Variants in PARD3B observed in about 807,000 individuals in gnomAD.
The protein encoded by PARD3B is partitioning defective 3 homolog B.
PARD3B carries 103 observed loss-of-function variants against 130.2 expected under a neutral mutation model. The observed-to-expected ratio is 0.79, with a 90% CI of 0.67 to 0.93. PARD3B has a LOEUF of 0.93. Ranked by LOEUF, PARD3B falls within the 40% of genes least tolerant of loss-of-function variation. The pLI, the probability that PARD3B is intolerant of heterozygous loss-of-function variation, is 0.00. For missense variants in PARD3B, 1,609 were observed against 1,499.2 expected (o/e 1.07, Z -1.21); for synonymous variants, 583 against 553.2 (o/e 1.05, Z -0.76).
At chr2:205,517,841 C>A (rs972711071) in intron 21 of PARD3B, among the ~76,000 whole-genome samples, 3 of 152,124 alleles carry the variant, frequency 2.0e-5, no homozygotes, top group Non-Finnish European at 2.9e-5. Context: ...TCATTATTTG[C>A]CAAGAAGTCA....
intron 1 of PARD3B, among the ~76,000 whole-genome samples, chr2:204,589,077 C>T (rs1190112658): frequency 6.6e-6 from 1 of 152,076 alleles, no homozygotes; most frequent in Non-Finnish European, 1.5e-5. Context: ...TTAAGGGACA[C>T]CCACGGAAGG....
chr2:204,756,935 A>G (rs905472969), intron 2 of PARD3B, among the ~76,000 whole-genome samples: 5 of 151,928 alleles, frequency 3.3e-5, no homozygotes, highest in Admixed American at 2.0e-4. Context: ...CTCCTTTGGA[A>G]TCTCGTGTTT....
chr2:205,523,432 C>T (rs986574721), intron 21 of PARD3B, among the ~76,000 whole-genome samples: 34 of 151,438 alleles, frequency 2.2e-4, no homozygotes, highest in African/African-American at 8.0e-4. Flanking sequence ...TTAATAGAGA[C>T]GGGGTTTCAC....
At chr2:204,892,286 G>A (rs1005130731) in intron 2 of PARD3B, among the ~76,000 whole-genome samples, 5 of 152,178 alleles carry the variant, frequency 3.3e-5, no homozygotes, top group South Asian at 2.1e-4. Flanking sequence ...GAGAGAGTTG[G>A]AGGTGAAGCT....
rs1387889501 is a variant in PARD3B, at chr2:205,121,066, A to G, written c.807-525A>G. ...TTTGGCACAGCCAAAGCACCTGCCA[A>G]AATGTCTCCATGAGCAAACATGGAT... is the stretch of plus-strand genomic sequence containing the variant. On this transcript the variant is annotated intron_variant, in intron 7 of 22. Transcript: ENST00000406610. This position sits in a 1 kb window ranked among gnomAD's most constrained non-coding sequence, Gnocchi z 5.0. 6.6e-6 allele frequency among the ~76,000 whole-genome samples: 1 copy of G among 152,228 alleles called. No individual in the cohort carries two copies.
chr2:204,569,177 T>C (rs1278536058), intron 1 of PARD3B, among the ~76,000 whole-genome samples: 1 of 152,192 alleles, frequency 6.6e-6, no homozygotes, highest in Non-Finnish European at 1.5e-5. Flanking sequence ...CACTGCACAG[T>C]TTGCATATTT....
intron 18 of PARD3B, among the ~76,000 whole-genome samples, chr2:205,359,334 A>ATATATATATGTATATATATAT (rs2044306692): frequency 6.6e-6 from 1 of 152,230 alleles, no homozygotes. Context: ...TCTCCACAAT[A>ATATATATATGTATATATATAT]ATAACATGAA....
chr2:204,584,975 T>C (rs1237509353), intron 1 of PARD3B, among the ~76,000 whole-genome samples: 1 of 152,134 alleles, frequency 6.6e-6, no homozygotes, highest in Non-Finnish European at 1.5e-5. Context: ...GGAGAAATGA[T>C]GGGAGCAGGT....
Position 205,445,939 on chromosome 2 carries a change from G to C in PARD3B, c.3044+5267G>C, listed in dbSNP as rs569215784. Among the ~76,000 whole-genome samples the C allele has an allele frequency of 9.8e-4, 149 of 152,300 alleles. 2 individuals carry two copies. The highest frequency in any genetic ancestry group is 3.4e-3 in the Middle Eastern group (1 of 294). ...CCTGAGTTCAGTACTGGACTCACCAGGGAACTGGGAGGAAGATGACTATGC... is the reference window on the plus strand; with the variant it reads ...CCTGAGTTCAGTACTGGACTCACCACGGAACTGGGAGGAAGATGACTATGC... On this transcript the variant is annotated intron_variant, in intron 20 of 22. Transcript: ENST00000406610.
intron 2 of PARD3B, among the ~76,000 whole-genome samples, chr2:204,866,745 C>G (rs1392078848): frequency 1.3e-5 from 2 of 151,696 alleles, no homozygotes; most frequent in Admixed American, 6.6e-5. Flanking sequence ...ATTTAAATCA[C>G]CCTATTCTAT....
chr2:205,477,209 A>C (rs918380814), intron 20 of PARD3B, among the ~76,000 whole-genome samples: 3 of 152,184 alleles, frequency 2.0e-5, no homozygotes, highest in African/African-American at 7.2e-5. Context: ...TCTGGTTATT[A>C]TGTAATTCAT....
rs763830847 is a variant in PARD3B at position 205,124,486 on chromosome 2, G to A, written c.1305+20G>A. 2 of 1,536,136 alleles carry A rather than the reference G, an allele frequency of 1.3e-6. No homozygotes were observed. The highest frequency in any genetic ancestry group is 4.7e-5 in the East Asian group (2 of 42,552). On this transcript the variant is annotated intron_variant, in intron 9 of 22. Transcript: ENST00000406610. ...TTGGAGGTAAGAATTGGAATTAATA[G>A]TTGTATGAAAATATTTCTTGGCATT... is the stretch of plus-strand genomic sequence containing the variant.
intron 4 of PARD3B, among the ~76,000 whole-genome samples, chr2:205,083,899 C>G (rs1456845868): frequency 6.6e-6 from 1 of 152,026 alleles, no homozygotes; most frequent in Non-Finnish European, 1.5e-5. Flanking sequence ...TTTATTTTCC[C>G]ATTTCATAAT....
chr2:204,833,779 A>C (rs754447030), intron 2 of PARD3B, among the ~76,000 whole-genome samples: 3 of 152,070 alleles, frequency 2.0e-5, no homozygotes, highest in Non-Finnish European at 2.9e-5. Context: ...ATAAACACCC[A>C]GCCTCAGGTA....
Position 205,113,476 on chromosome 2 carries a change from T to G in PARD3B, c.594-15T>G. 1 of 1,605,736 alleles carries G rather than the reference T, an allele frequency of 6.2e-7. No homozygotes were observed. Among genetic ancestry groups the G allele is most frequent in the Non-Finnish European group, 8.5e-7 (1 of 1,174,144 alleles). On this transcript the variant is annotated splice_polypyrimidine_tract_variant and intron_variant, in intron 5 of 22. Coordinates refer to ENST00000406610, the MANE Select transcript of PARD3B (RefSeq NM_001302769.2). ...AGCAGACACTCATTTGTGCTCTTGTTTTTTTCTGCCCCAGTGATATGACAA... is the reference window on the plus strand; with the variant it reads ...AGCAGACACTCATTTGTGCTCTTGTGTTTTTCTGCCCCAGTGATATGACAA...
At chr2:204,695,668 T>C (rs577334985) in intron 2 of PARD3B, among the ~76,000 whole-genome samples, 1 of 152,212 alleles carries the variant, frequency 6.6e-6, no homozygotes, top group South Asian at 2.1e-4. Context: ...ATATCACTTT[T>C]ATTCTTTCCT....
intron 20 of PARD3B, among the ~76,000 whole-genome samples, chr2:205,451,708 A>G (rs1237187477): frequency 6.7e-6 from 1 of 149,656 alleles, no homozygotes; most frequent in African/African-American, 2.5e-5. Flanking sequence ...ATATATATAT[A>G]TGTATTTATG....
At chr2:205,070,605 A>G (rs561112595) in intron 4 of PARD3B, among the ~76,000 whole-genome samples, 57 of 152,260 alleles carry the variant, frequency 3.7e-4, no homozygotes, top group Admixed American at 8.5e-4. Flanking sequence ...ATACTATATC[A>G]TAGGTGATAT....
chr2:204,622,583 TTATTTA>T (rs2034343369), intron 1 of PARD3B, among the ~76,000 whole-genome samples: 1 of 147,760 alleles, frequency 6.8e-6, no homozygotes. Flanking sequence ...TTTATAATCT[TTATTTA>T]TAGAATTATA....
Sources: gnomAD v4.1 joint callset for allele counts (sites outside exome capture counted in the v4.1 genomes callset) on GRCh38, gnomAD v4.1.1 for gene constraint, Gnocchi (gnomAD v3.1) non-coding constraint, MANE v1.5 for transcripts, NCBI Gene and HGNC (gene_info 2026-07-23, HGNC 2026-07-21) for gene names.